PEBP4: variants seen among roughly 807,000 people sequenced by gnomAD.
PEBP4 encodes the protein phosphatidylethanolamine-binding protein 4.
A neutral mutation model predicts 23.9 loss-of-function variants in PEBP4; 22 were observed. That is an observed-to-expected ratio of 0.92 (90% CI 0.66 to 1.31). The LOEUF (loss-of-function observed/expected upper bound fraction) is 1.31, where lower values mean the gene tolerates loss of function less well. PEBP4 is among the 40% of genes most tolerant of loss of function. The pLI is 0.00. For missense variants in PEBP4, 324 were observed against 281.7 expected (o/e 1.15, Z -1.07); for synonymous variants, 112 against 99.3 (o/e 1.13, Z -0.76).
intron 1 of PEBP4, among the ~76,000 whole-genome samples, chr8:22,938,326 C>T (rs761932754): frequency 1.4e-4 from 21 of 152,272 alleles, no homozygotes; most frequent in Non-Finnish European, 2.5e-4. Context: ...ACAAACCATT[C>T]TGTCTGTAAC....
At chr8:22,920,765 C>T (rs1414788317) in intron 2 of PEBP4, among the ~76,000 whole-genome samples, 1 of 152,224 alleles carries the variant, frequency 6.6e-6, no homozygotes, top group Non-Finnish European at 1.5e-5. Flanking sequence ...GCACAGCTTC[C>T]TTCAAGGGCA....
upstream of PEBP4, chr8:22,927,969 G>A (rs1431073665): frequency 4.4e-6 from 2 of 454,676 alleles, no homozygotes; most frequent in Admixed American, 3.9e-5. Flanking sequence ...CCCTCCCCTG[G>A]CAGGACACAG....
chr8:22,838,852 G>A (rs1019137842), intron 3 of PEBP4, among the ~76,000 whole-genome samples: 1 of 152,246 alleles, frequency 6.6e-6, no homozygotes, highest in African/African-American at 2.4e-5. Context: ...TCCTACTTTG[G>A]TTGCCCAGCT....
chr8:22,806,920 G>T (rs549885454), intron 4 of PEBP4, among the ~76,000 whole-genome samples: 28 of 152,320 alleles, frequency 1.8e-4, no homozygotes, highest in African/African-American at 6.5e-4. Flanking sequence ...AGAAATCTGA[G>T]TGGTCAGGCA....
At chr8:22,747,428 T>G (rs987574056) in intron 4 of PEBP4, 7 of 152,232 alleles carry the variant, frequency 4.6e-5, no homozygotes, top group Non-Finnish European at 7.3e-5. Flanking sequence ...CTGGGTGACC[T>G]TGGGCAAGTC....
At chr8:22,827,179 G>A (rs779569591) in intron 3 of PEBP4, among the ~76,000 whole-genome samples, 1 of 152,146 alleles carries the variant, frequency 6.6e-6, no homozygotes, top group Non-Finnish European at 1.5e-5. Flanking sequence ...TGATGACATA[G>A]AAACAGAATT....
intron 3 of PEBP4, among the ~76,000 whole-genome samples, chr8:22,819,310 A>G (rs1021597741): frequency 1.1e-4 from 16 of 152,242 alleles, no homozygotes; most frequent in African/African-American, 3.6e-4. Context: ...GAAAGTGATC[A>G]GCTATATCAA....
intron 4 of PEBP4, among the ~76,000 whole-genome samples, chr8:22,732,449 C>A (rs1018833445): frequency 6.6e-6 from 1 of 152,128 alleles, no homozygotes; most frequent in Non-Finnish European, 1.5e-5. Context: ...AAATAGCTAA[C>A]GCACACGGAA....
At chr8:22,907,467 G>A (rs138595527) in intron 3 of PEBP4, among the ~76,000 whole-genome samples, 109 of 152,190 alleles carry the variant, frequency 7.2e-4, no homozygotes, top group African/African-American at 2.4e-3. Context: ...AGTCGAGATC[G>A]TGCCACTGCA....
chr8:22,832,508 A>G (rs1807107312), intron 3 of PEBP4, among the ~76,000 whole-genome samples: 3 of 152,124 alleles, frequency 2.0e-5, no homozygotes, highest in Admixed American at 2.0e-4. Flanking sequence ...CACCCAGTCT[A>G]TGGAATTTTT....
At position 22,927,824 on chromosome 8, in the gene PEBP4, T is replaced by G. The variant is rs1292110964; in HGVS notation, c.-8A>C. ...GGGCCCACTTGGCAGGATAGAGACC[T>G]CTGGTTAAGCACAGGGAGAAGGACA... On this transcript the variant is annotated splice_region_variant and 5_prime_UTR_variant, in exon 1 of 7. Transcript: ENST00000256404. The G allele has an allele frequency of 1.7e-5, 24 of 1,432,640 alleles. No individual in the cohort carries two copies. Among genetic ancestry groups the G allele is most frequent in the Non-Finnish European group, 2.3e-5 (24 of 1,051,330 alleles). The allele number at this position is 1,432,640 out of a possible 1,614,324, so 88.7% of individuals were successfully genotyped here.
chr8:22,831,422 ACACT>A (rs1449733867), intron 3 of PEBP4, among the ~76,000 whole-genome samples: 1 of 152,180 alleles, frequency 6.6e-6, no homozygotes. Flanking sequence ...CACACAGTAG[ACACT>A]CAATAAATAT....
intron 3 of PEBP4, among the ~76,000 whole-genome samples, chr8:22,833,087 G>C (rs1294009407): frequency 6.6e-6 from 1 of 152,186 alleles, no homozygotes; most frequent in Non-Finnish European, 1.5e-5. Context: ...TCTTGCCCAT[G>C]CTTCCCCCGT....
At chr8:22,736,902 A>G (rs1191294315) in intron 4 of PEBP4, among the ~76,000 whole-genome samples, 1 of 152,168 alleles carries the variant, frequency 6.6e-6, no homozygotes, top group Non-Finnish European at 1.5e-5. Context: ...TTATTAGAAT[A>G]CTAGTTCTTG....
At chr8:22,921,087 G>A (rs539968388) in intron 2 of PEBP4, among the ~76,000 whole-genome samples, 5 of 152,360 alleles carry the variant, frequency 3.3e-5, no homozygotes, top group Admixed American at 6.5e-5. Context: ...GGCCGGGCTG[G>A]GCCATGACAG....
In PEBP4 at chr8:22,727,219, C is replaced by T. The variant is rs761865156; in HGVS notation, c.359G>A (p.Gly120Asp). The change falls in exon 5 of 7, where the codon GGC becomes GAC. Residue 120 changes from glycine (G) to aspartate (D), a missense_variant and splice_region_variant. Transcript: ENST00000256404. ...WRHWLVTDIK[G>D]ADLKKGKIQG... ...AATCTTCCCTTTCTTCAGGTCGGCG[C>T]CCTGAAAGAAGAGACAAGCAGGGCT... 14 of 1,613,758 alleles carry T rather than the reference C, an allele frequency of 8.7e-6. No homozygotes were observed. Among genetic ancestry groups the T allele is most frequent in the East Asian group, 2.2e-5 (1 of 44,878 alleles).
intron 3 of PEBP4, chr8:22,886,370 C>T (rs558874268): frequency 6.6e-6 from 1 of 152,342 alleles, no homozygotes; most frequent in African/African-American, 2.4e-5. Flanking sequence ...TACATCCCAT[C>T]GTCTTGTCAG....
chr8:22,909,037 C>T (rs1309526265), intron 3 of PEBP4, among the ~76,000 whole-genome samples: 3 of 152,190 alleles, frequency 2.0e-5, no homozygotes, highest in Admixed American at 6.5e-5. Flanking sequence ...CCACCCGACC[C>T]AAATCAGGGA....
chr8:22,826,393 C>T (rs779436927), intron 3 of PEBP4, among the ~76,000 whole-genome samples: 5 of 152,128 alleles, frequency 3.3e-5, no homozygotes, highest in Admixed American at 6.5e-5. Flanking sequence ...ATTCCACTTC[C>T]GTGATTTTTC....
Sources: gnomAD v4.1 joint callset for allele counts (sites outside exome capture counted in the v4.1 genomes callset) on GRCh38, gnomAD v4.1.1 for gene constraint, MANE v1.5 for transcripts, NCBI Gene and HGNC (gene_info 2026-07-23, HGNC 2026-07-21) for gene names.